GAPVD1: variants seen among roughly 807,000 people sequenced by gnomAD.
GAPVD1 encodes the protein GTPase activating protein and VPS9 domains 1.
GAPVD1 carries 35 observed loss-of-function variants against 155.5 expected under a neutral mutation model. The ratio of observed to expected loss-of-function variants is 0.23; its 90% CI spans 0.17 to 0.30. GAPVD1 has a LOEUF of 0.30. Among genes scored for constraint, GAPVD1 ranks in the 10% least tolerant of loss-of-function variants. The pLI, the probability that GAPVD1 is intolerant of heterozygous loss-of-function variation, is 1.00. For synonymous variants in GAPVD1, 636 were observed against 619.7 expected (o/e 1.03, Z -0.39); for missense variants, 1,429 against 1,775.7 (o/e 0.80, Z 3.51).
chr9:125,346,821 G>A lies in GAPVD1; in HGVS notation c.3049G>A (p.Asp1017Asn), dbSNP rs756335459. The stretch of plus-strand genomic sequence containing the variant: ...TCTCACTCTCCTTTCCCTTGCAGAT[G>A]ATCCCAGCCCTAGACTCAGTGCACA... ...GPDRFSTLTD[D>N]PSPRLSAQAQ... The change falls in exon 20 of 28, where the codon GAT (aspartate) becomes AAT (asparagine). Residue 1017 changes from aspartate (D) to asparagine (N), a missense_variant and splice_region_variant. Asp to Asn is a conservative substitution (Grantham distance 23, BLOSUM62 1). Transcript: ENST00000297933. The A allele has an allele frequency of 6.2e-6, 10 of 1,613,606 alleles. No homozygotes were observed. In the South Asian group the frequency reaches 1.1e-4, roughly 18 times the overall value.
chr9:125,307,151 G>T (rs1841970215), intron 6 of GAPVD1, among the ~76,000 whole-genome samples: 1 of 151,798 alleles, frequency 6.6e-6, no homozygotes, highest in African/African-American at 2.4e-5. Context: ...TATAATCCCA[G>T]CTACTCGGGA....
chr9:125,359,311 C>T (rs1407953364), intron 25 of GAPVD1, 109 bp from the exon 26 acceptor site: 6 of 733,924 alleles, frequency 8.2e-6, no homozygotes, highest in Non-Finnish European at 1.5e-5. Context: ...TAGCTGTAAT[C>T]CATATCTAGT....
At chr9:125,351,507 C>T (rs572934534) in intron 23 of GAPVD1, among the ~76,000 whole-genome samples, 21 of 152,294 alleles carry the variant, frequency 1.4e-4, no homozygotes, top group Non-Finnish European at 2.4e-4. Context: ...GCCTATGAAC[C>T]TGTAAAATCA....
chr9:125,282,468 A>G (rs996888028), intron 2 of GAPVD1, among the ~76,000 whole-genome samples: 8 of 152,112 alleles, frequency 5.3e-5, no homozygotes, highest in Non-Finnish European at 8.8e-5. Flanking sequence ...ACTTTTAGTT[A>G]AGTCTTTTAC....
At chr9:125,306,596 A>T (rs1261062279) in intron 6 of GAPVD1, among the ~76,000 whole-genome samples, 1 of 151,902 alleles carries the variant, frequency 6.6e-6, no homozygotes, top group African/African-American at 2.4e-5. Context: ...TGGCGCAAGC[A>T]GTCCTCCCAC....
intron 9 of GAPVD1, among the ~76,000 whole-genome samples, chr9:125,316,148 G>A (rs1843390279): frequency 6.6e-6 from 1 of 152,030 alleles, no homozygotes; most frequent in Admixed American, 6.5e-5. Context: ...GGGGTTAAGG[G>A]TATATAATCT....
Position 125,312,543 on chromosome 9 carries a change from A to G in GAPVD1, c.1533A>G (p.Pro511=). The part of the protein sequence containing the change: ...SSQETIQEVQ[P]EEVLVISLGT... ...AAGAAACCATTCAGGAGGTGCAACC[A>G]GAAGAGGTGTTGGTCATTTCCTTAG... Residue 511 remains proline, a synonymous_variant, in exon 9 of 28, where the codon CCA becomes CCG. Coordinates refer to ENST00000297933, the MANE Select transcript of GAPVD1 (RefSeq NM_001282680.3). 2 of 1,610,916 alleles carry G rather than the reference A, an allele frequency of 1.2e-6. No homozygotes were observed. The highest frequency in any genetic ancestry group is 8.5e-7 in the Non-Finnish European group (1 of 1,178,830).
At chr9:125,334,438 T>C (rs1846577451) in intron 15 of GAPVD1, among the ~76,000 whole-genome samples, 1 of 152,144 alleles carries the variant, frequency 6.6e-6, no homozygotes, top group Non-Finnish European at 1.5e-5. Context: ...TATGATGAGA[T>C]GTCTCAAGAA....
chr9:125,359,218 A>T (rs1171823171), intron 25 of GAPVD1, among the ~76,000 whole-genome samples: 1 of 152,088 alleles, frequency 6.6e-6, no homozygotes, highest in Non-Finnish European at 1.5e-5. Context: ...CCCTCCCTGC[A>T]TCCCCTTGGC....
At chr9:125,285,439 T>C (rs2132292656) in intron 2 of GAPVD1, among the ~76,000 whole-genome samples, 2 of 149,300 alleles carry the variant, frequency 1.3e-5, no homozygotes, top group South Asian at 4.2e-4. Context: ...GCATAATCTA[T>C]TTCTTTTTTC....
At chr9:125,315,060 T>C (rs1843213157) in intron 9 of GAPVD1, among the ~76,000 whole-genome samples, 1 of 152,274 alleles carries the variant, frequency 6.6e-6, no homozygotes, top group African/African-American at 2.4e-5. Context: ...GTGCTGGGAT[T>C]ACAGGTGTGA....
At chr9:125,294,932 A>G (rs966498184) in intron 2 of GAPVD1, among the ~76,000 whole-genome samples, 9 of 151,960 alleles carry the variant, frequency 5.9e-5, no homozygotes, top group African/African-American at 2.2e-4. Context: ...CAGAACTAGA[A>G]ATTAAAGTAG....
intron 1 of GAPVD1, among the ~76,000 whole-genome samples, chr9:125,262,429 C>T (rs148039490): frequency 1.3e-4 from 20 of 152,328 alleles, no homozygotes; most frequent in South Asian, 1.0e-3. Flanking sequence ...ACTCACTGTA[C>T]TTGGCATCTT....
intron 2 of GAPVD1, among the ~76,000 whole-genome samples, chr9:125,286,206 T>C (rs1588653049): frequency 6.6e-6 from 1 of 152,170 alleles, no homozygotes; most frequent in East Asian, 1.9e-4. Flanking sequence ...GTCTGCCTCC[T>C]GGGCTCAATC....
In GAPVD1 at chr9:125,321,557, C is replaced by T. The variant is rs2131511824; in HGVS notation, c.1727C>T (p.Ser576Phe). 6.2e-7 allele frequency: 1 copy of T among 1,612,994 alleles called. No individual in the cohort carries two copies. Among genetic ancestry groups the T allele is most frequent in the Non-Finnish European group, 8.5e-7 (1 of 1,179,518 alleles). ...SLCSDNLEGI[S>F]EGPSNRSNSV... is the part of the protein sequence containing the mutation. The stretch of plus-strand genomic sequence containing the variant: ...TGCAGTGATAATCTGGAAGGAATAT[C>T]TGAAGGTGAAGGGTTACTTCATTCA... Residue 576 changes from serine to phenylalanine, a missense_variant, in exon 10 of 28, where the codon TCT becomes TTT. Physicochemically the swap from Ser to Phe is radical, Grantham distance 155. Around this residue, in one of 4 missense-constraint regions of GAPVD1, gnomAD observed 628 missense variants for 733.4 expected, o/e 0.86. Coordinates refer to ENST00000297933, the MANE Select transcript of GAPVD1 (RefSeq NM_001282680.3).
At chr9:125,360,854 T>G (rs959723340) in intron 27 of GAPVD1, 129 bp downstream of exon 27, 2 of 680,798 alleles carry the variant, frequency 2.9e-6, no homozygotes, top group African/African-American at 3.6e-5. Flanking sequence ...AGAAAGAAAG[T>G]GCCTAATGTC....
chr9:125,330,230 G>A lies in GAPVD1; in HGVS notation c.2173+12G>A, dbSNP rs369975285. 4 of 1,557,604 alleles carry A rather than the reference G, an allele frequency of 2.6e-6. No individual in the cohort carries two copies. The highest frequency in any genetic ancestry group is 1.4e-5 in the African/African-American group (1 of 72,646). On this transcript the variant is annotated intron_variant, in intron 13 of 27. Transcript: ENST00000297933. ...GCCAAGTGACTCAGGTTAGTATGCT[G>A]TCATTGTTTGCTTTTTCATTTATAC...
intron 14 of GAPVD1, 103 bp downstream of exon 14, chr9:125,332,163 T>G: frequency 8.7e-7 from 1 of 1,154,890 alleles, no homozygotes; most frequent in Non-Finnish European, 1.2e-6. Flanking sequence ...ATTTAAGAGC[T>G]GAGTAATTTC....
chr9:125,305,508 T>C (rs1209769517), intron 6 of GAPVD1, among the ~76,000 whole-genome samples: 1 of 151,602 alleles, frequency 6.6e-6, no homozygotes, highest in Non-Finnish European at 1.5e-5. Flanking sequence ...GTAACTGGGA[T>C]CACAGGTGCC....
Sources: gnomAD v4.1 joint callset for allele counts (sites outside exome capture counted in the v4.1 genomes callset) on GRCh38, gnomAD v4.1.1 for gene constraint, gnomAD v4.1.1 regional missense constraint, MANE v1.5 for transcripts, NCBI Gene and HGNC (gene_info 2026-07-23, HGNC 2026-07-21) for gene names.